LHFPL3: variants seen among roughly 807,000 people sequenced by gnomAD.
LHFPL3 encodes the protein LHFPL tetraspan subfamily member 3.
A neutral mutation model predicts 19.3 loss-of-function variants in LHFPL3; 5 were observed. That is an observed-to-expected ratio of 0.26 (90% confidence interval 0.14 to 0.54). LHFPL3 has a LOEUF of 0.54. LHFPL3 is among the 20% of genes least tolerant of loss of function. The pLI, the probability that LHFPL3 is intolerant of heterozygous loss-of-function variation, is 0.94. For synonymous variants in LHFPL3, 133 were observed against 126.2 expected (o/e 1.05, Z -0.36); for missense variants, 249 against 307.4 (o/e 0.81, Z 1.42).
rs552770555 is a variant in LHFPL3, at chr7:104,450,855, T to C, written c.445+121631T>C. 2.7e-4 allele frequency among the ~76,000 whole-genome samples: 41 copies of C among 152,372 alleles called. No individual in the cohort carries two copies. The South Asian group carries it at 8.3e-3, about 31-fold the overall frequency. On this transcript the variant is annotated intron_variant, in intron 1 of 2. Coordinates refer to ENST00000424859, the MANE Select transcript of LHFPL3 (RefSeq NM_199000.3). ...GGCAGCTTGTGCTCTGTGTTTGCCT[T>C]CATGACTTCCCTATGAATGTCCTTT...
chr7:104,685,939 A>C (rs113868903), intron 1 of LHFPL3, among the ~76,000 whole-genome samples: 2 of 152,252 alleles, frequency 1.3e-5, no homozygotes, highest in African/African-American at 4.8e-5. Context: ...TACCATTCAG[A>C]TAACTCCATT....
intron 2 of LHFPL3, among the ~76,000 whole-genome samples, chr7:104,883,851 G>C (rs1487223310): frequency 6.6e-6 from 1 of 152,136 alleles, no homozygotes; most frequent in Non-Finnish European, 1.5e-5. Context: ...CAGCCACCAG[G>C]GGGCACCAAA....
chr7:104,875,481 G>A (rs1212008737), intron 2 of LHFPL3, among the ~76,000 whole-genome samples: 1 of 152,138 alleles, frequency 6.6e-6, no homozygotes, highest in Non-Finnish European at 1.5e-5. Flanking sequence ...GAGCCCATCT[G>A]GGTGAATTAC....
intron 1 of LHFPL3, among the ~76,000 whole-genome samples, chr7:104,410,849 T>C (rs986882414): frequency 3.3e-5 from 5 of 152,190 alleles, no homozygotes; most frequent in African/African-American, 1.2e-4. Flanking sequence ...TTTTGAAGGA[T>C]GAATTGGCCA....
At chr7:104,780,668 T>G (rs535490316) in intron 2 of LHFPL3, among the ~76,000 whole-genome samples, 1 of 152,274 alleles carries the variant, frequency 6.6e-6, no homozygotes, top group African/African-American at 2.4e-5. Context: ...CTTTGACAGC[T>G]GGTCCACAGT....
chr7:104,400,347 A>G (rs534788889), intron 1 of LHFPL3, among the ~76,000 whole-genome samples: 4 of 152,082 alleles, frequency 2.6e-5, no homozygotes, highest in Non-Finnish European at 4.4e-5. Flanking sequence ...TACTGCAACT[A>G]AGGTTGTATT....
chr7:104,859,752 AT>A (rs1338011253), intron 2 of LHFPL3, among the ~76,000 whole-genome samples: 1 of 152,226 alleles, frequency 6.6e-6, no homozygotes, highest in African/African-American at 2.4e-5. Context: ...ACTACTTAGG[AT>A]ACTATAATAG....
At chr7:104,771,902 A>G (rs1794559982) in intron 2 of LHFPL3, among the ~76,000 whole-genome samples, 1 of 130,776 alleles carries the variant, frequency 7.6e-6, no homozygotes, top group Admixed American at 9.3e-5. Flanking sequence ...GCTCACTGCA[A>G]CCTCTGCCTC....
chr7:104,350,516 CTGAA>C (rs1790151973), intron 1 of LHFPL3, among the ~76,000 whole-genome samples: 1 of 152,186 alleles, frequency 6.6e-6, no homozygotes, highest in East Asian at 1.9e-4. Context: ...TGAATAGAGA[CTGAA>C]TGGAAGATTC....
intron 1 of LHFPL3, among the ~76,000 whole-genome samples, chr7:104,658,200 G>T (rs936015468): frequency 6.6e-6 from 1 of 152,090 alleles, no homozygotes; most frequent in African/African-American, 2.4e-5. Context: ...AAATATAAAT[G>T]TATCTATATT....
intron 1 of LHFPL3, among the ~76,000 whole-genome samples, chr7:104,572,067 T>A (rs1351839700): frequency 6.6e-6 from 1 of 152,224 alleles, no homozygotes; most frequent in Non-Finnish European, 1.5e-5. Context: ...AGTGAACTAT[T>A]TTGTTCTTTT....
intron 1 of LHFPL3, among the ~76,000 whole-genome samples, chr7:104,602,198 T>A (rs1233110390): frequency 6.6e-6 from 1 of 151,934 alleles, no homozygotes; most frequent in Non-Finnish European, 1.5e-5. Flanking sequence ...TTTTTGTATT[T>A]TTAATAGAGA....
intron 1 of LHFPL3, among the ~76,000 whole-genome samples, chr7:104,488,108 G>A (rs1272895710): frequency 6.6e-6 from 1 of 152,058 alleles, no homozygotes; most frequent in East Asian, 1.9e-4. Context: ...CTTAACGTCA[G>A]AAAATGTATT....
intron 1 of LHFPL3, among the ~76,000 whole-genome samples, chr7:104,705,285 C>T (rs923616991): frequency 8.5e-5 from 13 of 152,240 alleles, no homozygotes; most frequent in East Asian, 1.9e-4. Flanking sequence ...TTAATATTTA[C>T]ATTTTAAGTC....
chr7:104,713,825 C>A (rs936420879), intron 1 of LHFPL3, among the ~76,000 whole-genome samples: 1 of 152,072 alleles, frequency 6.6e-6, no homozygotes, highest in Admixed American at 6.5e-5. Context: ...GAAACTGGAG[C>A]CTTTGGGTAA....
At chr7:104,877,997 C>A (rs943993903) in intron 2 of LHFPL3, among the ~76,000 whole-genome samples, 1 of 152,132 alleles carries the variant, frequency 6.6e-6, no homozygotes, top group African/African-American at 2.4e-5. Flanking sequence ...CCACACCTGG[C>A]TAATTTTTCT....
At chr7:104,383,577 A>T (rs574765263) in intron 1 of LHFPL3, among the ~76,000 whole-genome samples, 1 of 152,338 alleles carries the variant, frequency 6.6e-6, no homozygotes, top group South Asian at 2.1e-4. Flanking sequence ...GATCCTATAA[A>T]GGAGCTGGTC....
intron 1 of LHFPL3, among the ~76,000 whole-genome samples, chr7:104,518,391 A>G (rs113256277): frequency 0.011 from 1,623 of 152,310 alleles, 34 homozygotes; most frequent in African/African-American, 0.038. Context: ...AGTTTGAATA[A>G]TAATAGCAGA....
intron 1 of LHFPL3, among the ~76,000 whole-genome samples, chr7:104,582,396 T>C (rs1790476960): frequency 6.6e-6 from 1 of 152,026 alleles, no homozygotes; most frequent in Non-Finnish European, 1.5e-5. Context: ...ACTTAAATAA[T>C]TATGCCATTT....
Sources: allele counts gnomAD v4.1 joint callset (sites outside exome capture counted in the v4.1 genomes callset), GRCh38; gene constraint gnomAD v4.1.1; transcripts MANE v1.5; gene names NCBI Gene and HGNC (gene_info 2026-07-23, HGNC 2026-07-21).